Variants in GPR137C observed in about 807,000 individuals in gnomAD.
GPR137C encodes the protein G protein-coupled receptor 137C.
Under a neutral mutation model 43.4 loss-of-function variants are expected in GPR137C, and 27 were observed. That is an observed-to-expected ratio of 0.62 (90% CI 0.46 to 0.86). The LOEUF (loss-of-function observed/expected upper bound fraction) is 0.86. Ranked by LOEUF, GPR137C falls within the 40% of genes least tolerant of loss-of-function variation. The pLI, the probability that GPR137C is intolerant of heterozygous loss-of-function variation, is 0.00. For missense variants in GPR137C, 522 were observed against 534.6 expected (o/e 0.98, Z 0.23); for synonymous variants, 285 against 226.9 (o/e 1.26, Z -2.30).
chr14:52,634,090 A>G lies in GPR137C; in HGVS notation c.1112+144A>G, dbSNP rs565873453. ...GATCGGCAATACTGGAGTTTAAAGC[A>G]GTAGATGTTAAACCCAGGGTGGGAC... On this transcript the variant is annotated intron_variant, in intron 6 of 6. Transcript: ENST00000321662. 6.1e-4 allele frequency: 379 copies of G among 625,878 alleles called. 1 individual carries two copies. Among genetic ancestry groups the G allele is most frequent in the Admixed American group, 1.4e-3 (49 of 35,938 alleles). 38.8% of individuals were successfully genotyped at this position (625,878 alleles called of 1,614,324 possible).
At position 52,593,357 on chromosome 14, in the gene GPR137C, G is replaced by A. The variant is rs184150420; in HGVS notation, c.445-4915G>A. On this transcript the variant is annotated intron_variant, in intron 1 of 6. Coordinates refer to ENST00000321662, the MANE Select transcript of GPR137C (RefSeq NM_001099652.2). Reference sequence around the variant, plus strand: ...GATGCTGGCCCCATAAAATGAGTTAGGGAGGAGTCCCTCTTTTTCTATTGA... The same window carrying A: ...GATGCTGGCCCCATAAAATGAGTTAAGGAGGAGTCCCTCTTTTTCTATTGA... Among the ~76,000 whole-genome samples, 393 of 152,304 alleles carry A rather than the reference G, an allele frequency of 2.6e-3. 1 individual carries two copies. Among genetic ancestry groups the A allele is most frequent in the African/African-American group, 8.9e-3 (370 of 41,560 alleles).
intron 1 of GPR137C, among the ~76,000 whole-genome samples, chr14:52,595,522 T>C (rs2038842442): frequency 6.6e-6 from 1 of 152,192 alleles, no homozygotes; most frequent in Non-Finnish European, 1.5e-5. Flanking sequence ...CATTTCTTTT[T>C]ACTCTTTTTT....
chr14:52,559,930 T>C (rs1594778625), intron 1 of GPR137C, among the ~76,000 whole-genome samples: 1 of 151,994 alleles, frequency 6.6e-6, no homozygotes. Flanking sequence ...GGAGGCCGAG[T>C]TGGGAGGATC....
rs943817594 is a variant in GPR137C, at chr14:52,599,988, A to G, written c.489-125A>G. 124 of 652,442 alleles carry G rather than the reference A, an allele frequency of 1.9e-4. No homozygotes were observed. In the African/African-American group the frequency reaches 2.1e-3, roughly 11 times the overall value. The allele number at this position is 652,442 out of a possible 1,614,324, so 40.4% of individuals were successfully genotyped here. On this transcript the variant is annotated intron_variant, in intron 2 of 6. Coordinates refer to ENST00000321662, the MANE Select transcript of GPR137C (RefSeq NM_001099652.2). The stretch of plus-strand genomic sequence containing the variant: ...ACTATTTCTGAATAAATGCTTAAAA[A>G]TCTATGCCATTCATAAACATTTCAA...
At chr14:52,567,181 TC>T (rs1270172551) in intron 1 of GPR137C, among the ~76,000 whole-genome samples, 2 of 152,186 alleles carry the variant, frequency 1.3e-5, no homozygotes, top group African/African-American at 4.8e-5. Flanking sequence ...GGAGTCCCAT[TC>T]CTTGGACCCT....
chr14:52,553,621 C>G (rs2038134555), intron 1 of GPR137C, 30 bp downstream of exon 1: 2 of 1,478,042 alleles, frequency 1.4e-6, no homozygotes, highest in Non-Finnish European at 1.8e-6. Context: ...ATGCGGGGCC[C>G]GGGCGGGTGC....
At chr14:52,630,281 A>G (rs773076910) in intron 3 of GPR137C, among the ~76,000 whole-genome samples, 10 of 152,056 alleles carry the variant, frequency 6.6e-5, no homozygotes, top group Non-Finnish European at 8.8e-5. Flanking sequence ...GTATTATAGC[A>G]TGTTTCTGAC....
At chr14:52,599,343 T>C (rs991273367) in intron 2 of GPR137C, among the ~76,000 whole-genome samples, 3 of 152,332 alleles carry the variant, frequency 2.0e-5, no homozygotes, top group Non-Finnish European at 4.4e-5. Context: ...TGTTCTTCTT[T>C]AGTCAAGTTT....
At position 52,625,532 on chromosome 14, in the gene GPR137C, C is replaced by CTTTTTTTT. The variant is rs770278309; in HGVS notation, c.718-6595_718-6588dup. 1.1e-4 allele frequency among the ~76,000 whole-genome samples: 4 copies of CTTTTTTTT among 36,082 alleles called. 1 individual carries two copies. The highest frequency in any genetic ancestry group is 1.5e-4 in the Non-Finnish European group (3 of 19,936). The allele number at this position is 36,082 out of a possible 152,430, so 23.7% of individuals were successfully genotyped here. On this transcript the variant is annotated intron_variant, in intron 3 of 6. Coordinates refer to ENST00000321662, the MANE Select transcript of GPR137C (RefSeq NM_001099652.2). ...GAAAATAGAGGAGGGAAGAACACAT[C>CTTTTTTTT]TTTTTTTTTTTTTTTTTTTTTTTTT...
chr14:52,598,065 A>T (rs1296675789), intron 1 of GPR137C, among the ~76,000 whole-genome samples: 1 of 152,206 alleles, frequency 6.6e-6, no homozygotes, highest in Non-Finnish European at 1.5e-5. Context: ...ATGTAGGTTT[A>T]TGTTGATAAC....
chr14:52,560,738 C>T (rs2038269802), intron 1 of GPR137C, among the ~76,000 whole-genome samples: 1 of 152,002 alleles, frequency 6.6e-6, no homozygotes, highest in Non-Finnish European at 1.5e-5. Flanking sequence ...TACCTCACAC[C>T]ATAGAATGTA....
Position 52,633,227 on chromosome 14 carries a change from ACT to A in GPR137C, c.868-298_868-297del, listed in dbSNP as rs1335896130. Among the ~76,000 whole-genome samples, 3 of 152,034 alleles carry A rather than the reference ACT, an allele frequency of 2.0e-5. No homozygotes were observed. The East Asian group carries it at 5.8e-4, about 29-fold the overall frequency. On this transcript the variant is annotated intron_variant, in intron 4 of 6. Coordinates refer to ENST00000321662, the MANE Select transcript of GPR137C (RefSeq NM_001099652.2). ...TGGAACAGTAATGTCTTTAAAAGTCACTCTCTTTAGATTATGGGGCCTAAATA... is the reference window on the plus strand; with the variant it reads ...TGGAACAGTAATGTCTTTAAAAGTCACTCTTTAGATTATGGGGCCTAAATA...
intron 3 of GPR137C, among the ~76,000 whole-genome samples, chr14:52,619,569 T>C (rs1349244722): frequency 6.6e-6 from 1 of 152,160 alleles, no homozygotes; most frequent in Non-Finnish European, 1.5e-5. Context: ...CTTGTCCCAT[T>C]TGAAAGATCC....
Position 52,553,234 on chromosome 14 carries a change from C to T in GPR137C, c.87C>T (p.Gly29=), listed in dbSNP as rs547374207. ...CCACGCCCGGCGGGGGCAGCGGAGG[C>T]GGAGGCGCCGTCGCTGCAGCCTCAG... ...EPSTPGGGSG[G]GGAVAAASGA... Residue 29 remains glycine, a synonymous_variant, in exon 1 of 7, where the codon GGC becomes GGT. Transcript: ENST00000321662. 9 of 1,297,130 alleles carry T rather than the reference C, an allele frequency of 6.9e-6. No homozygotes were observed. In the African/African-American group the frequency reaches 1.2e-4, roughly 18 times the overall value. 80.4% of individuals were successfully genotyped at this position (1,297,130 alleles called of 1,614,324 possible). A position where few individuals can be genotyped will look rare whatever the true frequency, so the allele number is the denominator to read the frequency against.
chr14:52,596,613 G>T (rs1017378371), intron 1 of GPR137C, among the ~76,000 whole-genome samples: 2 of 152,206 alleles, frequency 1.3e-5, no homozygotes, highest in African/African-American at 4.8e-5. Context: ...CTCTGTGGGC[G>T]TGGGACCCAC....
intron 3 of GPR137C, among the ~76,000 whole-genome samples, chr14:52,616,286 T>C (rs2039098191): frequency 6.6e-6 from 1 of 151,848 alleles, no homozygotes. Flanking sequence ...TTCTCTTTTT[T>C]GTTTGTTTGT....
intron 1 of GPR137C, among the ~76,000 whole-genome samples, chr14:52,596,065 ACAGT>A (rs1163217092): frequency 1.3e-5 from 2 of 152,112 alleles, no homozygotes; most frequent in South Asian, 2.1e-4. Flanking sequence ...TTTCCTTCTA[ACAGT>A]CAGGCCTCTC....
At chr14:52,574,536 G>C (rs1017085212) in intron 1 of GPR137C, among the ~76,000 whole-genome samples, 1 of 152,124 alleles carries the variant, frequency 6.6e-6, no homozygotes, top group Non-Finnish European at 1.5e-5. Flanking sequence ...ATACAGGGCG[G>C]GGAACATCAC....
intron 1 of GPR137C, among the ~76,000 whole-genome samples, chr14:52,567,059 G>T (rs1157633508): frequency 6.6e-6 from 1 of 152,156 alleles, no homozygotes; most frequent in African/African-American, 2.4e-5. Flanking sequence ...GTTGCAGTGA[G>T]CCAAGATCAC....
Sources: allele counts gnomAD v4.1 joint callset (sites outside exome capture counted in the v4.1 genomes callset), GRCh38; gene constraint gnomAD v4.1.1; transcripts MANE v1.5; gene names NCBI Gene and HGNC (gene_info 2026-07-23, HGNC 2026-07-21).